CNTN1: variants seen among roughly 807,000 people sequenced by gnomAD.
CNTN1 encodes contactin 1, also known as contactin-1.
CNTN1 carries 38 observed loss-of-function variants against 126.4 expected under a neutral mutation model. The ratio of observed to expected loss-of-function variants is 0.30; its 90% CI spans 0.23 to 0.39. CNTN1 has a LOEUF of 0.39. Among genes scored for constraint, CNTN1 ranks in the 10% least tolerant of loss-of-function variants. The probability of loss-of-function intolerance (pLI) is 1.00; values close to 1 mark genes in which losing one functional copy is unlikely to be tolerated. For synonymous variants in CNTN1, 413 were observed against 422.6 expected (o/e 0.98, Z 0.28); for missense variants, 1,009 against 1,248.4 (o/e 0.81, Z 2.89).
intron 14 of CNTN1, among the ~76,000 whole-genome samples, chr12:40,947,810 C>T (rs1946491356): frequency 1.3e-5 from 2 of 148,856 alleles, no homozygotes; most frequent in African/African-American, 4.9e-5. Context: ...CACACACACA[C>T]ACACACACAC....
At chr12:40,798,172 G>T (rs1407051674) in intron 1 of CNTN1, among the ~76,000 whole-genome samples, 1 of 151,914 alleles carries the variant, frequency 6.6e-6, no homozygotes, top group Non-Finnish European at 1.5e-5. Flanking sequence ...TAATAAAAAT[G>T]TTGCACTGGG....
intron 16 of CNTN1, among the ~76,000 whole-genome samples, chr12:40,989,986 G>A (rs560862724): frequency 6.6e-6 from 1 of 151,516 alleles, no homozygotes; most frequent in South Asian, 2.1e-4. Flanking sequence ...GGTCAGAAGT[G>A]CCACCGAGAT....
chr12:40,813,180 G>T (rs1472821133), intron 1 of CNTN1, among the ~76,000 whole-genome samples: 1 of 117,786 alleles, frequency 8.5e-6, no homozygotes, highest in African/African-American at 3.2e-5. Context: ...ATTTTTTGCT[G>T]TCTCCATTTT....
intron 1 of CNTN1, among the ~76,000 whole-genome samples, chr12:40,884,724 C>T (rs1943974591): frequency 6.6e-6 from 1 of 151,482 alleles, no homozygotes. Context: ...GTAAGTTTAG[C>T]ATGTTCTTTA....
chr12:40,888,519 G>A (rs1208760412), intron 1 of CNTN1, among the ~76,000 whole-genome samples: 1 of 152,092 alleles, frequency 6.6e-6, no homozygotes, highest in Non-Finnish European at 1.5e-5. Context: ...GTCACCTATG[G>A]TTTCTGTAAA....
chr12:40,925,844 G>A (rs998191297), intron 6 of CNTN1, among the ~76,000 whole-genome samples: 406 of 38,278 alleles, frequency 0.011, 6 homozygotes, highest in African/African-American at 0.031. Flanking sequence ...GTGTGTGTGT[G>A]TATATATATA....
At chr12:40,823,788 G>A (rs1941525193) in intron 1 of CNTN1, among the ~76,000 whole-genome samples, 1 of 152,058 alleles carries the variant, frequency 6.6e-6, no homozygotes, top group Admixed American at 6.6e-5. Flanking sequence ...TTATCCAATA[G>A]ATTATTGGAA....
intron 1 of CNTN1, among the ~76,000 whole-genome samples, chr12:40,772,983 G>A (rs1274708106): frequency 6.6e-6 from 1 of 151,786 alleles, no homozygotes; most frequent in Non-Finnish European, 1.5e-5. Context: ...AATATATATC[G>A]TGGATTGGAT....
chr12:40,943,926 T>C (rs563772288), intron 13 of CNTN1, 69 bp from the exon 14 acceptor site: 2 of 1,450,644 alleles, frequency 1.4e-6, no homozygotes, highest in African/African-American at 1.4e-5. Flanking sequence ...TTGGTTATTA[T>C]TTTAATATAC....
In CNTN1 at chr12:40,939,436, C is replaced by A; in HGVS notation, c.1330C>A (p.Pro444Thr). The change falls in exon 12 of 24, where the codon CCA becomes ACA. Residue 444 changes from proline (P) to threonine (T), a missense_variant. Physicochemically the swap from Pro to Thr is conservative, Grantham distance 38. Transcript: ENST00000551295. Reference protein sequence around the residue: ...IECKPKAAPKPKFSWSKGTEW... With the variant: ...IECKPKAAPKTKFSWSKGTEW... ...ATGCAAACCTAAAGCTGCACCGAAA[C>A]CAAAGTTTTCATGGAGTAAAGGGAC... 3 of 1,613,868 alleles carry A rather than the reference C, an allele frequency of 1.9e-6. No individual in the cohort carries two copies. Among genetic ancestry groups the A allele is most frequent in the Non-Finnish European group, 2.5e-6 (3 of 1,179,922 alleles).
At chr12:40,949,964 T>G (rs1174369847) in intron 14 of CNTN1, among the ~76,000 whole-genome samples, 2 of 151,904 alleles carry the variant, frequency 1.3e-5, no homozygotes. Flanking sequence ...TTGGTAAGAA[T>G]CAGATTCGAG....
chr12:40,853,986 A>G (rs1157084081), intron 1 of CNTN1, among the ~76,000 whole-genome samples: 2 of 149,816 alleles, frequency 1.3e-5, no homozygotes, highest in Non-Finnish European at 3.0e-5. Flanking sequence ...TTTTCCAAAT[A>G]TTTTCTCAGC....
intron 1 of CNTN1, among the ~76,000 whole-genome samples, chr12:40,853,071 A>G (rs560239345): frequency 6.6e-6 from 1 of 152,140 alleles, no homozygotes; most frequent in Non-Finnish European, 1.5e-5. Context: ...TCTTGTCAGT[A>G]TTTTTCAGCC....
At chr12:40,915,772 A>C (rs1385611552) in intron 3 of CNTN1, among the ~76,000 whole-genome samples, 1 of 152,064 alleles carries the variant, frequency 6.6e-6, no homozygotes, top group Non-Finnish European at 1.5e-5. Context: ...GTTGTGTCTA[A>C]AAACTTACTG....
intron 1 of CNTN1, among the ~76,000 whole-genome samples, chr12:40,796,997 A>G (rs1433196832): frequency 1.3e-5 from 2 of 152,076 alleles, no homozygotes; most frequent in Non-Finnish European, 2.9e-5. Context: ...GGCAGCCCAC[A>G]TCTATTAGTT....
chr12:41,012,458 T>C (rs2120714003), intron 17 of CNTN1, among the ~76,000 whole-genome samples: 1 of 152,248 alleles, frequency 6.6e-6, no homozygotes, highest in South Asian at 2.1e-4. Flanking sequence ...GATAGGAAAG[T>C]TGGAGATCTT....
At chr12:40,829,302 A>C (rs1380857403) in intron 1 of CNTN1, among the ~76,000 whole-genome samples, 2 of 152,022 alleles carry the variant, frequency 1.3e-5, no homozygotes, top group Non-Finnish European at 2.9e-5. Context: ...TTACTAGTGA[A>C]TATATATGCA....
chr12:40,864,907 TACC>T (rs1303298386), intron 1 of CNTN1, among the ~76,000 whole-genome samples: 6 of 152,156 alleles, frequency 3.9e-5, no homozygotes, highest in Non-Finnish European at 1.5e-5. Context: ...GAGGCAAAGT[TACC>T]ACCAAACTGT....
chr12:41,015,290 CA>C (rs1257376330), intron 18 of CNTN1, among the ~76,000 whole-genome samples: 3 of 152,194 alleles, frequency 2.0e-5, no homozygotes, highest in East Asian at 3.9e-4. Context: ...AAAATTAGAA[CA>C]TTTCGCTCTT....
Sources: gnomAD v4.1 joint callset for allele counts (sites outside exome capture counted in the v4.1 genomes callset) on GRCh38, gnomAD v4.1.1 for gene constraint, MANE v1.5 for transcripts, NCBI Gene and HGNC (gene_info 2026-07-23, HGNC 2026-07-21) for gene names.